The following KCNQ4 variants were observed in gnomAD, a reference collection of about 807,000 sequenced individuals.
KCNQ4 encodes potassium voltage-gated channel subfamily Q member 4, also known as potassium voltage-gated channel subfamily KQT member 4.
KCNQ4 carries 31 observed loss-of-function variants against 72.6 expected under a neutral mutation model. The ratio of observed to expected loss-of-function variants is 0.43; its 90% CI spans 0.32 to 0.58. The LOEUF is 0.58. Ranked by LOEUF, KCNQ4 falls within the 20% of genes least tolerant of loss-of-function variation. The probability of loss-of-function intolerance (pLI) is 0.08; values close to 1 mark genes in which losing one functional copy is unlikely to be tolerated. For synonymous variants in KCNQ4, 405 were observed against 403.7 expected (o/e 1.00, Z -0.04); for missense variants, 869 against 962.6 (o/e 0.90, Z 1.29).
intron 1 of KCNQ4, among the ~76,000 whole-genome samples, chr1:40,790,555 C>T (rs771717525): frequency 2.8e-4 from 43 of 152,316 alleles, no homozygotes; most frequent in African/African-American, 9.1e-4. Context: ...TCTCGTGTAA[C>T]GCTCACAGCC....
chr1:40,833,302 T>C (rs939069737), intron 11 of KCNQ4, among the ~76,000 whole-genome samples, 189 bp downstream of exon 11: 4 of 152,054 alleles, frequency 2.6e-5, no homozygotes, highest in Middle Eastern at 3.4e-3. Flanking sequence ...CCCAGCTACT[T>C]GGGAGGCTGA....
At position 40,788,994 on chromosome 1, in the gene KCNQ4, C is replaced by T. The variant is rs1647232581; in HGVS notation, c.314+4587C>T. On this transcript the variant is annotated intron_variant, in intron 1 of 13. Coordinates refer to ENST00000347132, the MANE Select transcript of KCNQ4 (RefSeq NM_004700.4). The surrounding 1 kb of genome is among the most constrained non-coding windows in gnomAD (Gnocchi z 4.5). Reference sequence around the variant, plus strand: ...CACAGACACTCACCATGGACACACACCCGGGCCCGTGGCTCCAGCCCAGAC... The same window carrying T: ...CACAGACACTCACCATGGACACACATCCGGGCCCGTGGCTCCAGCCCAGAC... Among the ~76,000 whole-genome samples the T allele has an allele frequency of 6.6e-6, 1 of 152,248 alleles. No homozygotes were observed. The highest frequency in any genetic ancestry group is 1.5e-5 in the Non-Finnish European group (1 of 68,042).
chr1:40,838,952 G>C lies in KCNQ4; in HGVS notation c.*429G>C, dbSNP rs944456102. ...AGGGAAGCCCTCCCGCCAAGTCCCCGCCCCACTTGGGGGTGGGCCAAGGTG... is the reference window on the plus strand; with the variant it reads ...AGGGAAGCCCTCCCGCCAAGTCCCCCCCCCACTTGGGGGTGGGCCAAGGTG... On this transcript the variant is annotated 3_prime_UTR_variant, in exon 14 of 14. Coordinates refer to ENST00000347132, the MANE Select transcript of KCNQ4 (RefSeq NM_004700.4). 1 of 274,064 alleles carries C rather than the reference G, an allele frequency of 3.6e-6. No individual in the cohort carries two copies. The highest frequency in any genetic ancestry group is 4.7e-5 in the Admixed American group (1 of 21,072). 17.0% of individuals were successfully genotyped at this position (274,064 alleles called of 1,614,324 possible).
At chr1:40,787,112 G>T (rs894867520) in intron 1 of KCNQ4, among the ~76,000 whole-genome samples, 1 of 152,162 alleles carries the variant, frequency 6.6e-6, no homozygotes, top group Admixed American at 6.5e-5. Context: ...CTCTGGGCGG[G>T]GCGCAGTGGC....
rs185840642 is a variant in KCNQ4 at position 40,822,296 on chromosome 1, C to T, written c.1042-18C>T. On this transcript the variant is annotated intron_variant, in intron 7 of 13. Transcript: ENST00000347132. Reference sequence around the variant, plus strand: ...GGCCTCACTGATGCCCCATCCCCCACGTCCCCCATACCACCAGGCTGCCTG... The same window carrying T: ...GGCCTCACTGATGCCCCATCCCCCATGTCCCCCATACCACCAGGCTGCCTG... 3.4e-5 allele frequency: 54 copies of T among 1,608,808 alleles called. No individual in the cohort carries two copies. Among genetic ancestry groups the T allele is most frequent in the Middle Eastern group, 1.7e-4 (1 of 6,044 alleles).
chr1:40,819,109 T>G, intron 4 of KCNQ4: 2 of 436,400 alleles, frequency 4.6e-6, no homozygotes, highest in Non-Finnish European at 4.0e-6. Flanking sequence ...GCCTGGAACC[T>G]GGAGACTCAA....
chr1:40,814,110 A>T lies in KCNQ4; in HGVS notation c.315-3155A>T, dbSNP rs1296287118. On this transcript the variant is annotated intron_variant, in intron 1 of 13. Coordinates refer to ENST00000347132, the MANE Select transcript of KCNQ4 (RefSeq NM_004700.4). Reference sequence around the variant, plus strand: ...CTCTTGTTGCCCAGACTGGAGTGCAATGGTGCCATCTTGGCTCACTGCAAC... The same window carrying T: ...CTCTTGTTGCCCAGACTGGAGTGCATTGGTGCCATCTTGGCTCACTGCAAC... 4.9e-5 allele frequency among the ~76,000 whole-genome samples: 6 copies of T among 122,236 alleles called. No individual in the cohort carries two copies. In the Admixed American group the frequency reaches 5.8e-4, roughly 12 times the overall value. 80.2% of individuals were successfully genotyped at this position (122,236 alleles called of 152,430 possible). A position where few individuals can be genotyped will look rare whatever the true frequency, so the allele number is the denominator to read the frequency against.
chr1:40,831,332 C>T lies in KCNQ4; in HGVS notation c.1513+28C>T, dbSNP rs181431046. ...AAGCCCCCGGGGGGCTGAGTCCGAT[C>T]GAGGGCCGGCTGAGGGTGGCAGGGC... On this transcript the variant is annotated intron_variant, in intron 10 of 13. Transcript: ENST00000347132. 8 of 1,549,322 alleles carry T rather than the reference C, an allele frequency of 5.2e-6. No homozygotes were observed. In the East Asian group the frequency reaches 1.2e-4, roughly 23 times the overall value.
chr1:40,800,848 G>A (rs6677093), intron 1 of KCNQ4, among the ~76,000 whole-genome samples: 30 of 152,000 alleles, frequency 2.0e-4, no homozygotes, highest in African/African-American at 7.0e-4. Context: ...GAATCCTAAC[G>A]AGGGGCTAAA....
chr1:40,818,049 G>A, intron 2 of KCNQ4, 115 bp from the exon 3 acceptor site: 2 of 1,379,632 alleles, frequency 1.4e-6, no homozygotes, highest in South Asian at 1.2e-5. Flanking sequence ...TCCAGGAGAG[G>A]GGTCCGAGGA....
At position 40,806,007 on chromosome 1, in the gene KCNQ4, A is replaced by G. The variant is rs1404850108; in HGVS notation, c.315-11258A>G. ...CAGGCGCCCACCACCACGCCTGGCT[A>G]AGTTTTTGTATTTTTAGTAGAGATG... is the stretch of plus-strand genomic sequence containing the variant. On this transcript the variant is annotated intron_variant, in intron 1 of 13. Transcript: ENST00000347132. 2.0e-5 allele frequency among the ~76,000 whole-genome samples: 3 copies of G among 151,960 alleles called. No individual in the cohort carries two copies. In the East Asian group the frequency reaches 5.8e-4, roughly 29 times the overall value.
At chr1:40,800,457 A>G (rs1647539590) in intron 1 of KCNQ4, among the ~76,000 whole-genome samples, 1 of 152,224 alleles carries the variant, frequency 6.6e-6, no homozygotes, top group Non-Finnish European at 1.5e-5. Flanking sequence ...TTAAATATTT[A>G]GACTTATGGT....
chr1:40,789,683 G>T (rs1465507830), intron 1 of KCNQ4, among the ~76,000 whole-genome samples: 1 of 152,192 alleles, frequency 6.6e-6, no homozygotes, highest in Non-Finnish European at 1.5e-5. Flanking sequence ...AAGACGCGCT[G>T]CTAGATGTCT....
intron 12 of KCNQ4, among the ~76,000 whole-genome samples, chr1:40,835,340 A>G (rs1388349557): frequency 1.3e-5 from 2 of 152,152 alleles, no homozygotes; most frequent in Admixed American, 1.3e-4. Context: ...AGCCCTATTG[A>G]CTCATATGCC....
intron 1 of KCNQ4, among the ~76,000 whole-genome samples, chr1:40,798,701 C>T (rs1337480946): frequency 1.3e-5 from 2 of 152,214 alleles, no homozygotes; most frequent in Non-Finnish European, 2.9e-5. Context: ...GGTGTCTCAA[C>T]GAGACCCATC....
chr1:40,820,104 G>A (rs1648242594), intron 6 of KCNQ4, 61 bp from the exon 7 acceptor site: 4 of 1,539,740 alleles, frequency 2.6e-6, no homozygotes, highest in Non-Finnish European at 3.6e-6. Context: ...GGACACCCTT[G>A]CAGCCTCTTA....
Position 40,818,605 on chromosome 1 carries a change from C to G in KCNQ4, c.633C>G (p.Ile211Met). 9.3e-6 allele frequency: 15 copies of G among 1,607,058 alleles called. No homozygotes were observed. Among genetic ancestry groups the G allele is most frequent in the Non-Finnish European group, 1.3e-5 (15 of 1,179,760 alleles). The part of the protein sequence containing the change: ...SALRSMRFLQ[I>M]LRMVRMDRRG... ...TGCGCAGCATGCGCTTCCTGCAGAT[C>G]CTGCGCATGGTGCGCATGGACCGCC... The change falls in exon 4 of 14, where the codon ATC (isoleucine) becomes ATG (methionine). Residue 211 changes from isoleucine to methionine, a missense_variant. Around this residue, in one of 5 missense-constraint regions of KCNQ4, gnomAD observed 179 missense variants for 243.0 expected, o/e 0.74. Coordinates refer to ENST00000347132, the MANE Select transcript of KCNQ4 (RefSeq NM_004700.4).
intron 9 of KCNQ4, among the ~76,000 whole-genome samples, chr1:40,829,123 T>C (rs537744781): frequency 6.6e-6 from 1 of 152,344 alleles, no homozygotes; most frequent in South Asian, 2.1e-4. Flanking sequence ...CCTTATGTGG[T>C]GGGCGCAGTG....
At chr1:40,787,510 C>T (rs181397506) in intron 1 of KCNQ4, among the ~76,000 whole-genome samples, 4 of 152,230 alleles carry the variant, frequency 2.6e-5, no homozygotes, top group Admixed American at 6.5e-5. Context: ...TTTCTGGCTC[C>T]AAAAGGTGGG....
Sources: gnomAD v4.1 joint callset for allele counts (sites outside exome capture counted in the v4.1 genomes callset) on GRCh38, gnomAD v4.1.1 for gene constraint, gnomAD v4.1.1 regional missense constraint, Gnocchi (gnomAD v3.1) non-coding constraint, MANE v1.5 for transcripts, NCBI Gene and HGNC (gene_info 2026-07-23, HGNC 2026-07-21) for gene names.